Variants in SEMA4G observed in about 807,000 individuals in gnomAD.
SEMA4G encodes the protein semaphorin 4G.
Under a neutral mutation model 81.2 loss-of-function variants are expected in SEMA4G, and 59 were observed. That is an observed-to-expected ratio of 0.73 (90% CI 0.59 to 0.90). The LOEUF (loss-of-function observed/expected upper bound fraction) is 0.90, where lower values mean the gene tolerates loss of function less well. SEMA4G is among the 40% of genes least tolerant of loss of function. The probability of loss-of-function intolerance (pLI) is 0.00; values close to 1 mark genes in which losing one functional copy is unlikely to be tolerated. For missense variants in SEMA4G, 952 were observed against 1,102.3 expected (o/e 0.86, Z 1.93); for synonymous variants, 404 against 433.9 (o/e 0.93, Z 0.86).
At chr10:100,981,121 C>G in intron 12 of SEMA4G, 47 bp from the exon 14 acceptor site, 4 of 1,612,102 alleles carry the variant, frequency 2.5e-6, no homozygotes, top group Non-Finnish European at 3.4e-6. Flanking sequence ...CACTGGGAAA[C>G]TGAAACCCAG....
intron 7 of SEMA4G, 22 bp downstream of exon 8, chr10:100,979,040 G>A (rs147873666): frequency 2.5e-6 from 4 of 1,613,398 alleles, no homozygotes; most frequent in Non-Finnish European, 3.4e-6. Flanking sequence ...TGACGTTGGG[G>A]CACGGGTATA....
exon 14 of SEMA4G, chr10:100,983,488 A>C: frequency 6.2e-7 from 1 of 1,614,182 alleles, no homozygotes; most frequent in East Asian, 2.2e-5. Flanking sequence ...GCACAGCCTG[A>C]GCACAGTGGC....
chr10:100,976,261 TGAGTGA>T (rs1382951938), intron 3 of SEMA4G, among the ~76,000 whole-genome samples: 1 of 151,996 alleles, frequency 6.6e-6, no homozygotes, highest in Non-Finnish European at 1.5e-5. Context: ...TGGAGTAGGG[TGAGTGA>T]GACCAGAGGA....
At chr10:100,979,884 C>T in exon 9 of SEMA4G, 2 of 1,614,042 alleles carry the variant, frequency 1.2e-6, no homozygotes, top group South Asian at 2.2e-5. Context: ...GCCGCTATGA[C>T]CTGGCAGAGA....
At chr10:100,984,585 C>A in exon 14 of SEMA4G, 6 of 1,536,202 alleles carry the variant, frequency 3.9e-6, no homozygotes, top group Non-Finnish European at 5.2e-6. Flanking sequence ...CCTCTGCCAG[C>A]CACCTAAGCC....
At chr10:100,983,643 T>A (rs1395953506) in exon 14 of SEMA4G, 3 of 1,613,866 alleles carry the variant, frequency 1.9e-6, no homozygotes, top group Non-Finnish European at 2.5e-6. Context: ...GAGACTGCTC[T>A]ATGTGCTAGC....
chr10:100,977,976 T>G lies in SEMA4G; in HGVS notation c.435+246T>G, dbSNP rs1454899297. 7 of 572,780 alleles carry G rather than the reference T, an allele frequency of 1.2e-5. No individual in the cohort carries two copies. In the Admixed American group the frequency reaches 1.8e-4, roughly 15 times the overall value. 35.5% of individuals were successfully genotyped at this position (572,780 alleles called of 1,614,324 possible). A position where few individuals can be genotyped will look rare whatever the true frequency, so the allele number is the denominator to read the frequency against. On this transcript the variant is annotated intron_variant, in intron 4 of 13. Coordinates refer to ENST00000370250, the Ensembl canonical transcript of SEMA4G. ...CCTAATCACCTCCACCTGGCAAACT[T>G]CATTTAACCCAAAACAAAGGGCCTT... is the stretch of plus-strand genomic sequence containing the variant.
chr10:100,982,950 G>A (rs895282312), intron 13 of SEMA4G, among the ~76,000 whole-genome samples: 2 of 152,236 alleles, frequency 1.3e-5, no homozygotes, highest in African/African-American at 4.8e-5. Flanking sequence ...GTTTTGAGGT[G>A]TCCAAGAGAC....
intron 9 of SEMA4G, 22 bp downstream of exon 10, chr10:100,980,014 C>T: frequency 6.2e-7 from 1 of 1,613,860 alleles, no homozygotes; most frequent in Admixed American, 1.7e-5. Flanking sequence ...GGCCTGGGGC[C>T]AGTGCTGAGT....
exon 14 of SEMA4G, chr10:100,984,308 C>T: frequency 6.9e-7 from 1 of 1,438,956 alleles, no homozygotes; most frequent in Non-Finnish European, 9.1e-7. Context: ...CCTCCTCAGT[C>T]TCCACAGACC....
rs368653189 is a variant in SEMA4G at position 100,979,283 on chromosome 10, G to C, written c.983+12G>C. The C allele has an allele frequency of 6.4e-5, 103 of 1,614,072 alleles. No individual in the cohort carries two copies. Among genetic ancestry groups the C allele is most frequent in the Non-Finnish European group, 3.1e-5 (36 of 1,180,052 alleles). Reference sequence around the variant, plus strand: ...CTGAGCACACAGTGGTCAGTGCAGGGACAATCGGGAGGCAAGAAACTGCGG... The same window carrying C: ...CTGAGCACACAGTGGTCAGTGCAGGCACAATCGGGAGGCAAGAAACTGCGG... On this transcript the variant is annotated intron_variant, in intron 8 of 13. Coordinates refer to ENST00000370250, the Ensembl canonical transcript of SEMA4G.
Position 100,973,355 on chromosome 10 carries a change from C to T in SEMA4G, c.273+78C>T. 1.3e-6 allele frequency: 2 copies of T among 1,560,572 alleles called. No homozygotes were observed. Among genetic ancestry groups the T allele is most frequent in the Non-Finnish European group, 1.7e-6 (2 of 1,148,850 alleles). ...CCTGGGACCTCAACTTCCTTAAAAC[C>T]CTGCCAGCCTTCCATAGCCCCCTGG... On this transcript the variant is annotated intron_variant, in intron 2 of 13. Transcript: ENST00000370250. This position sits in a 1 kb window ranked among gnomAD's most constrained non-coding sequence, Gnocchi z 5.5.
At chr10:100,984,597 T>G in exon 14 of SEMA4G, 1 of 1,536,226 alleles carries the variant, frequency 6.5e-7, no homozygotes, top group Non-Finnish European at 8.7e-7. Context: ...ACCTAAGCCC[T>G]GCGTACATTC....
Position 100,973,658 on chromosome 10 carries a change from A to G in SEMA4G, c.336+49A>G, listed in dbSNP as rs368669376. 2.6e-6 allele frequency: 4 copies of G among 1,548,784 alleles called. No individual in the cohort carries two copies. The African/African-American group carries it at 5.4e-5, about 21-fold the overall frequency. ...GCTCCTTTCCTCCCCTTCTTCCTCAATCAGGGATGCCAGGATTGTTGGGGA... is the reference window on the plus strand; with the variant it reads ...GCTCCTTTCCTCCCCTTCTTCCTCAGTCAGGGATGCCAGGATTGTTGGGGA... On this transcript the variant is annotated intron_variant, in intron 3 of 13. Coordinates refer to ENST00000370250, the Ensembl canonical transcript of SEMA4G. The surrounding 1 kb of genome is among the most constrained non-coding windows in gnomAD (Gnocchi z 5.5).
intron 3 of SEMA4G, among the ~76,000 whole-genome samples, chr10:100,975,916 AAAAT>A (rs1589981256): frequency 6.6e-6 from 1 of 152,174 alleles, no homozygotes; most frequent in Non-Finnish European, 1.5e-5. Context: ...TAAAATTAAA[AAAAT>A]AAATAAACAT....
upstream of SEMA4G, among the ~76,000 whole-genome samples, chr10:100,971,627 G>A (rs1004956005): frequency 4.6e-5 from 7 of 152,124 alleles, no homozygotes; most frequent in Non-Finnish European, 8.8e-5. Context: ...TGATGAGATG[G>A]AATGTATTAG....
chr10:100,977,807 G>A, intron 4 of SEMA4G, 77 bp downstream of exon 5: 1 of 1,255,700 alleles, frequency 8.0e-7, no homozygotes, highest in Non-Finnish European at 1.2e-6. Context: ...CCAAAGAAGA[G>A]ACTCAGAGCC....
At chr10:100,981,488 G>T (rs776167522) in intron 13 of SEMA4G, 1 of 1,614,192 alleles carries the variant, frequency 6.2e-7, no homozygotes, top group Non-Finnish European at 8.5e-7. Context: ...GGATGACAAG[G>T]GTTCAGGACG....
intron 3 of SEMA4G, among the ~76,000 whole-genome samples, chr10:100,976,312 T>C (rs1226528629): frequency 1.3e-5 from 2 of 152,120 alleles, no homozygotes; most frequent in African/African-American, 2.4e-5. Context: ...GCTAGGAGCA[T>C]GTGGGACTCT....
Sources: allele counts gnomAD v4.1 joint callset (sites outside exome capture counted in the v4.1 genomes callset), GRCh38; gene constraint gnomAD v4.1.1; non-coding constraint Gnocchi (gnomAD v3.1); transcripts MANE v1.5; gene names NCBI Gene and HGNC (gene_info 2026-07-23, HGNC 2026-07-21).